CSTF3: variants seen among roughly 807,000 people sequenced by gnomAD.
The protein encoded by CSTF3 is CF-1 77 kDa subunit.
A neutral mutation model predicts 105.8 loss-of-function variants in CSTF3; 29 were observed. That is an observed-to-expected ratio of 0.27 (90% CI 0.20 to 0.37). The LOEUF (loss-of-function observed/expected upper bound fraction) is 0.37. CSTF3 is among the 10% of genes least tolerant of loss of function. The probability of loss-of-function intolerance (pLI) is 1.00; values close to 1 mark genes in which losing one functional copy is unlikely to be tolerated. For missense variants in CSTF3, 357 were observed against 879.3 expected, an observed-to-expected ratio of 0.41 and a Z score of 7.51; for synonymous variants, 252 against 281.9, an observed-to-expected ratio of 0.89 and a Z score of 1.06.
chr11:33,117,242 C>A (rs1191929940), intron 3 of CSTF3, among the ~76,000 whole-genome samples: 10 of 151,720 alleles, frequency 6.6e-5, no homozygotes, highest in Admixed American at 5.9e-4. Flanking sequence ...AGGAAGAGAA[C>A]CCCAGAGTAC....
At chr11:33,153,445 A>G (rs2133808252) in intron 1 of CSTF3, among the ~76,000 whole-genome samples, 2 of 152,244 alleles carry the variant, frequency 1.3e-5, no homozygotes, top group South Asian at 4.2e-4. Context: ...GGATGTGAAG[A>G]GGTGACAGAC....
At chr11:33,161,257 G>A (rs1411037788) in intron 1 of CSTF3, 42 bp downstream of exon 1, 1 of 1,610,864 alleles carries the variant, frequency 6.2e-7, no homozygotes, top group Non-Finnish European at 8.5e-7. Context: ...AACAGACGTG[G>A]AGAAGAGGTC....
chr11:33,100,660 C>G (rs1855272681), intron 10 of CSTF3, among the ~76,000 whole-genome samples: 1 of 152,102 alleles, frequency 6.6e-6, no homozygotes. Context: ...GTACAGTATA[C>G]TCTGAAAACT....
intron 1 of CSTF3, among the ~76,000 whole-genome samples, chr11:33,159,750 G>A (rs1849915483): frequency 6.6e-6 from 1 of 152,090 alleles, no homozygotes; most frequent in South Asian, 2.1e-4. Flanking sequence ...TCTAGTGTGA[G>A]TGACAAAGAC....
chr11:33,098,441 T>A (rs1055666678), intron 13 of CSTF3, among the ~76,000 whole-genome samples: 1 of 151,970 alleles, frequency 6.6e-6, no homozygotes, highest in Non-Finnish European at 1.5e-5. Context: ...AGAAAACAGA[T>A]CAGTAATTGT....
intron 3 of CSTF3, among the ~76,000 whole-genome samples, chr11:33,131,806 C>T (rs1855602893): frequency 6.6e-6 from 1 of 152,082 alleles, no homozygotes; most frequent in African/African-American, 2.4e-5. Flanking sequence ...GAGCAGAGAT[C>T]GTGGCACTGC....
At chr11:33,108,680 G>A (rs1855350084) in intron 3 of CSTF3, among the ~76,000 whole-genome samples, 3 of 152,178 alleles carry the variant, frequency 2.0e-5, no homozygotes, top group Non-Finnish European at 2.9e-5. Flanking sequence ...TAAAAGTCAT[G>A]AGATGAATAC....
chr11:33,097,118 G>A, intron 13 of CSTF3, 140 bp from the exon 14 acceptor site: 1 of 585,562 alleles, frequency 1.7e-6, no homozygotes, highest in Non-Finnish European at 2.7e-6. Flanking sequence ...ATTTTTTTCT[G>A]GTATTAGAGA....
At chr11:33,140,543 T>C (rs955680958) in intron 3 of CSTF3, among the ~76,000 whole-genome samples, 1 of 152,122 alleles carries the variant, frequency 6.6e-6, no homozygotes, top group Non-Finnish European at 1.5e-5. Flanking sequence ...ATGAGTACAC[T>C]GTAGCCTCTA....
intron 1 of CSTF3, among the ~76,000 whole-genome samples, chr11:33,154,559 G>A (rs1362962166): frequency 7.6e-6 from 1 of 132,358 alleles, no homozygotes; most frequent in Admixed American, 9.1e-5. Flanking sequence ...TGCAGTGGCT[G>A]TACCTTGGCT....
chr11:33,160,876 A>C (rs1294076959), intron 1 of CSTF3, among the ~76,000 whole-genome samples: 1 of 152,180 alleles, frequency 6.6e-6, no homozygotes, highest in Non-Finnish European at 1.5e-5. Flanking sequence ...GCTTTGTCTC[A>C]AATATTTCTC....
chr11:33,103,948 C>A (rs560880500), intron 8 of CSTF3, among the ~76,000 whole-genome samples: 2 of 152,110 alleles, frequency 1.3e-5, no homozygotes, highest in East Asian at 3.9e-4. Context: ...ATCCTCTTGC[C>A]TCAGACATAG....
At chr11:33,108,453 A>T (rs1392217849) in intron 3 of CSTF3, 35 bp from the exon 4 acceptor site, 2 of 1,396,980 alleles carry the variant, frequency 1.4e-6, no homozygotes, top group African/African-American at 1.5e-5. Context: ...AATTAATACT[A>T]TTTTTTTAGA....
chr11:33,147,205 G>C (rs1343226041), intron 1 of CSTF3, among the ~76,000 whole-genome samples: 2 of 152,096 alleles, frequency 1.3e-5, no homozygotes, highest in African/African-American at 4.8e-5. Context: ...ACTGAGGCAG[G>C]AAGATCTCTT....
chr11:33,108,273 T>TA, intron 4 of CSTF3, 113 bp downstream of exon 4: 2 of 1,050,076 alleles, frequency 1.9e-6, no homozygotes, highest in Non-Finnish European at 2.6e-6. Flanking sequence ...AATTAACTTG[T>TA]AAAAAATCAC....
In CSTF3 at chr11:33,161,359, T is replaced by C; in HGVS notation, c.-34A>G. ...CTGATTACAACGTGCGCACTGACCGTCGATGGGAAGCTAGAAAAGAAAAAT... is the reference window on the plus strand; with the variant it reads ...CTGATTACAACGTGCGCACTGACCGCCGATGGGAAGCTAGAAAAGAAAAAT... On this transcript the variant is annotated 5_prime_UTR_variant, in exon 1 of 21. Transcript: ENST00000323959. The C allele has an allele frequency of 6.2e-7, 1 of 1,610,824 alleles. No individual in the cohort carries two copies. The highest frequency in any genetic ancestry group is 8.5e-7 in the Non-Finnish European group (1 of 1,179,608).
intron 3 of CSTF3, among the ~76,000 whole-genome samples, chr11:33,120,158 A>G (rs1855472486): frequency 6.6e-6 from 1 of 151,766 alleles, no homozygotes; most frequent in Non-Finnish European, 1.5e-5. Context: ...AAAACTGGAA[A>G]CACTGTAAAT....
intron 16 of CSTF3, among the ~76,000 whole-genome samples, chr11:33,090,980 C>T (rs928628572): frequency 1.3e-5 from 2 of 152,010 alleles, no homozygotes; most frequent in Non-Finnish European, 2.9e-5. Context: ...AAATTATAAA[C>T]CTATCACTTC....
intron 1 of CSTF3, 140 bp from the exon 2 acceptor site, chr11:33,142,126 T>G: frequency 7.0e-7 from 1 of 1,423,750 alleles, no homozygotes; most frequent in East Asian, 2.5e-5. Flanking sequence ...GAGAAGTGTG[T>G]TTCCTAGAAC....
Sources: gnomAD v4.1 joint callset for allele counts (sites outside exome capture counted in the v4.1 genomes callset) on GRCh38, gnomAD v4.1.1 for gene constraint, MANE v1.5 for transcripts, NCBI Gene and HGNC (gene_info 2026-07-23, HGNC 2026-07-21) for gene names.